The following PLA2G4A variants were observed in gnomAD, a reference collection of about 807,000 sequenced individuals.
PLA2G4A encodes the protein phospholipase A2 group IVA, also known as cytosolic phospholipase A2.
Under a neutral mutation model 81.9 loss-of-function variants are expected in PLA2G4A, and 40 were observed. The ratio of observed to expected loss-of-function variants is 0.49; its 90% CI spans 0.38 to 0.64. PLA2G4A has a LOEUF of 0.64. PLA2G4A is among the 30% of genes least tolerant of loss of function. PLA2G4A has a pLI of 0.00. For synonymous variants in PLA2G4A, 302 were observed against 296.9 expected (o/e 1.02, Z -0.18); for missense variants, 715 against 905.1 (o/e 0.79, Z 2.69).
At chr1:186,985,610 T>C (rs111825791) in intron 17 of PLA2G4A, among the ~76,000 whole-genome samples, 4 of 152,224 alleles carry the variant, frequency 2.6e-5, no homozygotes, top group African/African-American at 9.7e-5. Flanking sequence ...TACAAATTTG[T>C]TTCTTATGTG....
chr1:186,831,353 A>G (rs1032752430), intron 1 of PLA2G4A, among the ~76,000 whole-genome samples: 1 of 152,284 alleles, frequency 6.6e-6, no homozygotes, highest in East Asian at 1.9e-4. Context: ...GGTATTCTAG[A>G]ACTCCAAGCA....
intron 1 of PLA2G4A, among the ~76,000 whole-genome samples, chr1:186,853,008 G>A (rs1408589573): frequency 1.3e-5 from 2 of 151,872 alleles, no homozygotes; most frequent in Non-Finnish European, 2.9e-5. Flanking sequence ...TACTTTAGGA[G>A]CTTAAGAAGT....
chr1:186,895,797 C>T (rs1461786828), intron 5 of PLA2G4A, among the ~76,000 whole-genome samples: 1 of 152,180 alleles, frequency 6.6e-6, no homozygotes, highest in Non-Finnish European at 1.5e-5. Context: ...AACACTTTGG[C>T]ATTGAAAGAC....
intron 2 of PLA2G4A, among the ~76,000 whole-genome samples, chr1:186,864,744 A>T (rs1048277625): frequency 1.3e-5 from 2 of 151,420 alleles, no homozygotes; most frequent in East Asian, 1.9e-4. Context: ...GAGGACTTAA[A>T]ATCTTCTTAC....
chr1:186,926,791 GA>G (rs941219751), intron 7 of PLA2G4A, among the ~76,000 whole-genome samples: 33 of 152,304 alleles, frequency 2.2e-4, no homozygotes, highest in Admixed American at 5.2e-4. Flanking sequence ...GTGGCAAGGG[GA>G]TAAGTACAAA....
chr1:186,877,809 G>T (rs1372960857), intron 3 of PLA2G4A, among the ~76,000 whole-genome samples: 1 of 149,842 alleles, frequency 6.7e-6, no homozygotes, highest in Non-Finnish European at 1.5e-5. Flanking sequence ...ATATGAAAGT[G>T]TGTGATTATT....
In PLA2G4A at chr1:186,941,112, C is replaced by CGA. The variant is rs1656138914; in HGVS notation, c.1033+1018_1033+1019insGA. On this transcript the variant is annotated intron_variant, in intron 10 of 17. Transcript: ENST00000367466. The stretch of plus-strand genomic sequence containing the variant: ...GGGGCCATAGAGCGAGACTCCGTCT[C>CGA]AAAAAAAAAAAAAAAAAAGGGCACA... Among the ~76,000 whole-genome samples, 2 of 107,616 alleles carry CGA rather than the reference C, an allele frequency of 1.9e-5. 1 individual carries two copies. Among genetic ancestry groups the CGA allele is most frequent in the Non-Finnish European group, 4.0e-5 (2 of 49,912 alleles). 70.6% of individuals were successfully genotyped at this position (107,616 alleles called of 152,430 possible).
chr1:186,863,399 G>A (rs1652886065), intron 2 of PLA2G4A, among the ~76,000 whole-genome samples: 1 of 152,270 alleles, frequency 6.6e-6, no homozygotes, highest in African/African-American at 2.4e-5. Context: ...ATGGGGTACA[G>A]TATGATGTTC....
chr1:186,873,861 T>C (rs1398289782), intron 3 of PLA2G4A, among the ~76,000 whole-genome samples: 2 of 152,022 alleles, frequency 1.3e-5, no homozygotes, highest in Non-Finnish European at 2.9e-5. Context: ...GCCAGTTCCT[T>C]CCCAGACATG....
chr1:186,987,923 G>T (rs1191910723), intron 17 of PLA2G4A, among the ~76,000 whole-genome samples: 1 of 152,158 alleles, frequency 6.6e-6, no homozygotes, highest in Non-Finnish European at 1.5e-5. Context: ...AGGAAGGAAG[G>T]CAATTCTCCA....
chr1:186,859,966 C>T (rs922684186), intron 2 of PLA2G4A, among the ~76,000 whole-genome samples: 19 of 151,934 alleles, frequency 1.3e-4, no homozygotes, highest in Non-Finnish European at 2.4e-4. Flanking sequence ...GATGAGATGT[C>T]GCTACTAGAA....
At chr1:186,836,534 T>C (rs1374955469) in intron 1 of PLA2G4A, among the ~76,000 whole-genome samples, 1 of 152,044 alleles carries the variant, frequency 6.6e-6, no homozygotes, top group African/African-American at 2.4e-5. Context: ...AGTAGGAAAA[T>C]GCAATTTTTT....
chr1:186,972,824 G>A (rs1049027534), intron 15 of PLA2G4A, among the ~76,000 whole-genome samples: 2 of 152,116 alleles, frequency 1.3e-5, no homozygotes, highest in Non-Finnish European at 2.9e-5. Flanking sequence ...AAACTGATCT[G>A]CCTACATTTC....
chr1:186,902,805 C>A (rs1040718328), intron 5 of PLA2G4A, among the ~76,000 whole-genome samples: 1 of 151,670 alleles, frequency 6.6e-6, no homozygotes, highest in Non-Finnish European at 1.5e-5. Flanking sequence ...CCCCTATCTC[C>A]CCTATCTCCC....
At chr1:186,935,131 G>A (rs905054794) in intron 8 of PLA2G4A, among the ~76,000 whole-genome samples, 1 of 152,014 alleles carries the variant, frequency 6.6e-6, no homozygotes, top group African/African-American at 2.4e-5. Flanking sequence ...CTTCAAGAAG[G>A]AGTGGGTGTT....
At chr1:186,858,187 C>T (rs965900126) in intron 2 of PLA2G4A, among the ~76,000 whole-genome samples, 1 of 152,166 alleles carries the variant, frequency 6.6e-6, no homozygotes, top group Admixed American at 6.6e-5. Context: ...GCCACACTGT[C>T]TTCCACAATG....
At chr1:186,919,987 G>A (rs1306654786) in intron 7 of PLA2G4A, among the ~76,000 whole-genome samples, 1 of 152,156 alleles carries the variant, frequency 6.6e-6, no homozygotes, top group Non-Finnish European at 1.5e-5. Flanking sequence ...TCTGGGAACC[G>A]GATACTGCTT....
chr1:186,982,917 A>T (rs1274900422), intron 17 of PLA2G4A, among the ~76,000 whole-genome samples: 1 of 152,038 alleles, frequency 6.6e-6, no homozygotes, highest in African/African-American at 2.4e-5. Flanking sequence ...TCTCTACTAA[A>T]AATACAAAAA....
chr1:186,906,273 A>G (rs551618608), intron 5 of PLA2G4A, among the ~76,000 whole-genome samples: 29 of 152,282 alleles, frequency 1.9e-4, no homozygotes, highest in Non-Finnish European at 3.2e-4. Flanking sequence ...TGGAAAGACA[A>G]CTCTTAATAT....
Sources: gnomAD v4.1 joint callset for allele counts (sites outside exome capture counted in the v4.1 genomes callset) on GRCh38, gnomAD v4.1.1 for gene constraint, MANE v1.5 for transcripts, NCBI Gene and HGNC (gene_info 2026-07-23, HGNC 2026-07-21) for gene names.